The following GRIP1 variants were observed in gnomAD, a reference collection of about 807,000 sequenced individuals.
The protein encoded by GRIP1 is glutamate receptor interacting protein 1.
In GRIP1, 45 loss-of-function variants were observed where a neutral mutation model predicts 129.9. The ratio of observed to expected loss-of-function variants is 0.35; its 90% CI spans 0.27 to 0.44. GRIP1 has a LOEUF of 0.44. Among genes scored for constraint, GRIP1 ranks in the 20% least tolerant of loss-of-function variants. The pLI, the probability that GRIP1 is intolerant of heterozygous loss-of-function variation, is 1.00. For missense variants in GRIP1, 1,196 were observed against 1,396.8 expected, an observed-to-expected ratio of 0.86 and a Z score of 2.29; for synonymous variants, 530 against 520.8, an observed-to-expected ratio of 1.02 and a Z score of -0.24.
intron 1 of GRIP1, among the ~76,000 whole-genome samples, chr12:66,639,924 T>C (rs942888449): frequency 6.6e-6 from 1 of 152,170 alleles, no homozygotes; most frequent in Non-Finnish European, 1.5e-5. Flanking sequence ...TTAAACAACA[T>C]CATTCTCTAT....
intron 1 of GRIP1, among the ~76,000 whole-genome samples, chr12:66,670,259 G>A (rs188312217): frequency 1.3e-5 from 2 of 152,242 alleles, no homozygotes; most frequent in Non-Finnish European, 2.9e-5. Flanking sequence ...ATAACCTTCC[G>A]CATAAGGGGA....
intron 1 of GRIP1, among the ~76,000 whole-genome samples, chr12:67,010,504 C>T (rs1394261): frequency 0.11 from 16,960 of 152,078 alleles, 1,018 homozygotes; most frequent in Admixed American, 0.16. Flanking sequence ...TACGAATTAA[C>T]GAGTTCAGTT....
intron 1 of GRIP1, among the ~76,000 whole-genome samples, chr12:67,043,443 CA>C (rs1385988498): frequency 1.3e-5 from 2 of 152,096 alleles, no homozygotes; most frequent in East Asian, 3.9e-4. Context: ...TAACCAAAAG[CA>C]AAATATATCA....
chr12:66,400,506 A>T (rs908835340), intron 16 of GRIP1, among the ~76,000 whole-genome samples: 1 of 152,186 alleles, frequency 6.6e-6, no homozygotes, highest in Non-Finnish European at 1.5e-5. Context: ...TAAACTATAA[A>T]TATTTGAAGC....
At position 66,348,472 on chromosome 12, in the gene GRIP1, A is replaced by C. The variant is rs1036353785; in HGVS notation, c.*547T>G. On this transcript the variant is annotated 3_prime_UTR_variant, in exon 25 of 25. Coordinates refer to ENST00000359742, the MANE Select transcript of GRIP1 (RefSeq NM_001366722.1). ...CCACCTATTATGGTCTCCTACGTGCATCATTGCTGAAACATTTTAAGATAA... is the reference window on the plus strand; with the variant it reads ...CCACCTATTATGGTCTCCTACGTGCCTCATTGCTGAAACATTTTAAGATAA... 1 of 162,814 alleles carries C rather than the reference A, an allele frequency of 6.1e-6. No individual in the cohort carries two copies. Among genetic ancestry groups the C allele is most frequent in the African/African-American group, 2.4e-5 (1 of 41,510 alleles). 10.1% of individuals were successfully genotyped at this position (162,814 alleles called of 1,614,324 possible). A position where few individuals can be genotyped will look rare whatever the true frequency, so the allele number is the denominator to read the frequency against.
chr12:66,626,155 AT>A (rs1173459192), intron 1 of GRIP1, among the ~76,000 whole-genome samples: 2 of 151,996 alleles, frequency 1.3e-5, no homozygotes, highest in Non-Finnish European at 2.9e-5. Flanking sequence ...TGAAACCCCC[AT>A]CTCTATCAAA....
At chr12:66,817,107 T>G (rs1378989135) in intron 1 of GRIP1, among the ~76,000 whole-genome samples, 2 of 152,018 alleles carry the variant, frequency 1.3e-5, no homozygotes, top group African/African-American at 4.8e-5. Flanking sequence ...GTAAGACTTC[T>G]AAGTGCTTTT....
chr12:66,655,030 G>A (rs1276797780), intron 1 of GRIP1, among the ~76,000 whole-genome samples: 2 of 152,124 alleles, frequency 1.3e-5, no homozygotes, highest in Admixed American at 1.3e-4. Flanking sequence ...GACATGAGAT[G>A]TTTAAACACT....
intron 1 of GRIP1, among the ~76,000 whole-genome samples, chr12:66,642,275 AGAACTCCAGCAAGAGG>A (rs71900530): frequency 0.19 from 29,608 of 151,848 alleles, 3,012 homozygotes; most frequent in Non-Finnish European, 0.23. Flanking sequence ...TGGAGAGGAG[AGAACTCCAGCAAGAGG>A]GAACTCCAGC....
intron 4 of GRIP1, among the ~76,000 whole-genome samples, chr12:66,536,051 C>T (rs35903867): frequency 0.27 from 41,256 of 152,078 alleles, 5,770 homozygotes; most frequent in Middle Eastern, 0.33. Flanking sequence ...TGCTCATGCT[C>T]AAAACCTTGG....
At chr12:66,486,541 G>A (rs1380430872) in intron 7 of GRIP1, among the ~76,000 whole-genome samples, 3 of 152,084 alleles carry the variant, frequency 2.0e-5, no homozygotes, top group Non-Finnish European at 4.4e-5. Context: ...TAAGTCTCAT[G>A]AGATCTGAGG....
chr12:66,488,710 A>AGTAG (rs2060023852), intron 7 of GRIP1, among the ~76,000 whole-genome samples: 1 of 151,170 alleles, frequency 6.6e-6, no homozygotes, highest in African/African-American at 2.4e-5. Flanking sequence ...AAATTAATAA[A>AGTAG]ATAGACCACT....
chr12:66,582,671 G>A (rs12320874), intron 2 of GRIP1, among the ~76,000 whole-genome samples: 8,099 of 109,608 alleles, frequency 0.074, 340 homozygotes, highest in Admixed American at 0.093. Context: ...TTCAAAGAGA[G>A]TAAAATACCT....
At chr12:66,562,371 A>G (rs2062565251) in intron 2 of GRIP1, among the ~76,000 whole-genome samples, 1 of 152,072 alleles carries the variant, frequency 6.6e-6, no homozygotes, top group Admixed American at 6.6e-5. Context: ...GTGATGCTGC[A>G]TTTTTTACAG....
chr12:66,432,574 T>C lies in GRIP1; in HGVS notation c.1742A>G (p.Asn581Ser), dbSNP rs180910581. 3.9e-5 allele frequency: 63 copies of C among 1,601,100 alleles called. No homozygotes were observed. The African/African-American group carries it at 6.3e-4, about 16-fold the overall frequency. The change falls in exon 14 of 25, where the codon AAT (asparagine) becomes AGT (serine). Residue 581 changes from asparagine to serine, a missense_variant. Coordinates refer to ENST00000359742, the MANE Select transcript of GRIP1 (RefSeq NM_001366722.1). ...TFHVKLPKKHNVELGITISSP... is the reference protein window; with the variant it reads ...TFHVKLPKKHSVELGITISSP... ...ACTTATGGTTATTCCAAGTTCCACA[T>C]TGTGCTTCTTAGGCAGCTTTACATG...
chr12:66,538,948 C>G (rs1256292764), intron 4 of GRIP1, 130 bp downstream of exon 4: 1 of 768,588 alleles, frequency 1.3e-6, no homozygotes, highest in African/African-American at 1.7e-5. Flanking sequence ...ATCAATTAAA[C>G]TTTATCATAA....
In GRIP1 at chr12:66,392,371, T is replaced by C; in HGVS notation, c.2401A>G (p.Ser801Gly). 3.1e-6 allele frequency: 5 copies of C among 1,613,888 alleles called. No homozygotes were observed. Among genetic ancestry groups the C allele is most frequent in the South Asian group, 1.1e-5 (1 of 91,078 alleles). ...LSDMYPSTVPSVDSAVDSWDG... is the reference protein window; with the variant it reads ...LSDMYPSTVPGVDSAVDSWDG... ...CATGAATCCACAGCACTGTCCACAC[T>C]GGGCACCGTGGAGGGGTACATGTCG... Residue 801 changes from serine to glycine, a missense_variant, in exon 19 of 25, where the codon AGT becomes GGT. Transcript: ENST00000359742.
At chr12:66,660,085 C>T (rs914896550) in intron 1 of GRIP1, among the ~76,000 whole-genome samples, 2 of 152,114 alleles carry the variant, frequency 1.3e-5, no homozygotes, top group Admixed American at 1.3e-4. Flanking sequence ...CATGTTGATG[C>T]CTAAATGCAT....
At chr12:66,559,392 T>C (rs1428441194) in intron 2 of GRIP1, among the ~76,000 whole-genome samples, 1 of 152,112 alleles carries the variant, frequency 6.6e-6, no homozygotes, top group African/African-American at 2.4e-5. Context: ...AGAAGTCAAA[T>C]TATCCTTGTT....
Sources: gnomAD v4.1 joint callset for allele counts (sites outside exome capture counted in the v4.1 genomes callset) on GRCh38, gnomAD v4.1.1 for gene constraint, MANE v1.5 for transcripts, NCBI Gene and HGNC (gene_info 2026-07-23, HGNC 2026-07-21) for gene names.